The following LRRFIP2 variants were observed in gnomAD, a reference collection of about 807,000 sequenced individuals.
LRRFIP2 encodes LRR binding FLII interacting protein 2, also known as leucine-rich repeat flightless-interacting protein 2.
A neutral mutation model predicts 125.9 loss-of-function variants in LRRFIP2; 109 were observed. The ratio of observed to expected loss-of-function variants is 0.87; its 90% CI spans 0.74 to 1.01. The LOEUF (loss-of-function observed/expected upper bound fraction) is 1.01. Among genes scored for constraint, LRRFIP2 ranks in the 50% least tolerant of loss-of-function variants. LRRFIP2 has a pLI of 0.00. For missense variants in LRRFIP2, 850 were observed against 862.3 expected, an observed-to-expected ratio of 0.99 and a Z score of 0.18; for synonymous variants, 291 against 293.1, an observed-to-expected ratio of 0.99 and a Z score of 0.07.
At chr3:37,121,975 T>G (rs2095069412) in intron 4 of LRRFIP2, among the ~76,000 whole-genome samples, 1 of 151,906 alleles carries the variant, frequency 6.6e-6, no homozygotes. Context: ...ACGTGCAGGT[T>G]TGTAACATAT....
intron 15 of LRRFIP2, among the ~76,000 whole-genome samples, chr3:37,099,893 G>A (rs1482534772): frequency 6.6e-6 from 1 of 152,098 alleles, no homozygotes; most frequent in African/African-American, 2.4e-5. Flanking sequence ...ACACAACGAG[G>A]TAACCAGAAA....
chr3:37,081,087 T>A (rs183698839), intron 19 of LRRFIP2, among the ~76,000 whole-genome samples: 5 of 152,074 alleles, frequency 3.3e-5, no homozygotes, highest in African/African-American at 1.2e-4. Context: ...AGGCCCCATC[T>A]CCACAAAAAG....
rs1553836472 is a variant in LRRFIP2, at chr3:37,165,359, A to AC, written c.-56+9179dup. ...ATGAAATGGTTTCATCCCGAAACCA[A>AC]CCCCCCCACCCACCCCACCCCCGTC... On this transcript the variant is annotated intron_variant, in intron 1 of 27. Transcript: ENST00000336686. Among the ~76,000 whole-genome samples the AC allele has an allele frequency of 7.0e-5, 9 of 129,176 alleles. No individual in the cohort carries two copies. In the South Asian group the frequency reaches 9.1e-4, roughly 13 times the overall value. The allele number at this position is 129,176 out of a possible 152,430, so 84.7% of individuals were successfully genotyped here.
chr3:37,108,707 C>T, intron 11 of LRRFIP2, 23 bp from the exon 12 acceptor site: 1 of 1,589,636 alleles, frequency 6.3e-7, no homozygotes, highest in Non-Finnish European at 8.6e-7. Flanking sequence ...GGAAATATCA[C>T]TTAGCTATTT....
intron 25 of LRRFIP2, 71 bp downstream of exon 25, chr3:37,058,719 C>A: frequency 6.6e-7 from 1 of 1,508,536 alleles, no homozygotes; most frequent in Non-Finnish European, 9.0e-7. Flanking sequence ...ATACCAGCAA[C>A]CTGCTGACAA....
At chr3:37,175,265 G>A (rs912998784), upstream of LRRFIP2, 1 of 151,984 alleles carries the variant, frequency 6.6e-6, no homozygotes, top group African/African-American at 2.4e-5. Flanking sequence ...ATCATTTTTA[G>A]TCAATCAATC....
chr3:37,148,807 T>C (rs2095928350), intron 2 of LRRFIP2, 87 bp downstream of exon 2: 1 of 1,419,458 alleles, frequency 7.0e-7, no homozygotes, highest in Admixed American at 2.0e-5. Context: ...ACTAGTTCAA[T>C]GAGTAAACGT....
intron 15 of LRRFIP2, among the ~76,000 whole-genome samples, chr3:37,101,280 T>G (rs2094026074): frequency 6.6e-6 from 1 of 150,882 alleles, no homozygotes; most frequent in Non-Finnish European, 1.5e-5. Flanking sequence ...TCACTTGAAC[T>G]CGGAGGGTGG....
At chr3:37,131,744 G>A (rs532925155) in intron 2 of LRRFIP2, among the ~76,000 whole-genome samples, 21 of 152,306 alleles carry the variant, frequency 1.4e-4, no homozygotes, top group Non-Finnish European at 2.8e-4. Context: ...ACAGAGTAAA[G>A]TATGACATCT....
At chr3:37,165,671 G>A (rs989134824) in intron 1 of LRRFIP2, among the ~76,000 whole-genome samples, 1 of 151,596 alleles carries the variant, frequency 6.6e-6, no homozygotes, top group Non-Finnish European at 1.5e-5. Context: ...AGAATTGCTC[G>A]AACCCAGGAG....
At chr3:37,104,422 A>G (rs1277013156) in intron 14 of LRRFIP2, among the ~76,000 whole-genome samples, 1 of 152,228 alleles carries the variant, frequency 6.6e-6, no homozygotes, top group Non-Finnish European at 1.5e-5. Context: ...TGTGAGCGTG[A>G]GCATTAGTTG....
At chr3:37,054,362 T>G in intron 27 of LRRFIP2, 49 bp downstream of exon 27, 1 of 1,433,314 alleles carries the variant, frequency 7.0e-7, no homozygotes, top group African/African-American at 1.4e-5. Context: ...TCCAGAAGAT[T>G]TTTTCTTTTT....
chr3:37,068,825 A>C (rs1196946229), intron 21 of LRRFIP2: 1 of 152,186 alleles, frequency 6.6e-6, no homozygotes, highest in East Asian at 1.9e-4. Flanking sequence ...AATGGAAGTG[A>C]GTTTATGCTG....
chr3:37,159,828 G>T (rs112013956), intron 1 of LRRFIP2, among the ~76,000 whole-genome samples: 3,113 of 104,326 alleles, frequency 0.03, 97 homozygotes, highest in African/African-American at 0.099. Flanking sequence ...ATTTCTGGAA[G>T]AAAAAAAAAA....
rs201513908 is a variant in LRRFIP2 at position 37,169,955 on chromosome 3, T to C, written c.-56+4584A>G. On this transcript the variant is annotated intron_variant, in intron 1 of 27. Transcript: ENST00000336686. ...CTGCTTTTTATTTCTTTTCTTTTTC[T>C]TTTTTTTCCCGAGGAGGAAAGGAAG... is the stretch of plus-strand genomic sequence containing the variant. Among the ~76,000 whole-genome samples the C allele has an allele frequency of 3.6e-4, 55 of 152,154 alleles. 1 individual carries two copies. In the East Asian group the frequency reaches 0.01, roughly 28 times the overall value.
At position 37,105,527 on chromosome 3, in the gene LRRFIP2, T is replaced by C. The variant is rs745810149; in HGVS notation, c.715-4A>G. On this transcript the variant is annotated splice_region_variant and splice_polypyrimidine_tract_variant and intron_variant, in intron 13 of 27. Coordinates refer to ENST00000336686, the MANE Select transcript of LRRFIP2 (RefSeq NM_006309.4). ...TTGCAGTGTCATCGTTGGTAAACTA[T>C]AGATATTAAATGCAGATAATGAAAA... The C allele has an allele frequency of 1.9e-6, 3 of 1,611,362 alleles. No homozygotes were observed. Among genetic ancestry groups the C allele is most frequent in the African/African-American group, 2.7e-5 (2 of 74,878 alleles).
intron 27 of LRRFIP2, 115 bp downstream of exon 27, chr3:37,054,296 G>A: frequency 1.3e-6 from 1 of 794,936 alleles, no homozygotes; most frequent in Non-Finnish European, 2.0e-6. Context: ...AATTAGTTAA[G>A]TGACTCCACT....
intron 2 of LRRFIP2, among the ~76,000 whole-genome samples, chr3:37,133,769 C>T (rs139058498): frequency 6.6e-6 from 1 of 152,124 alleles, no homozygotes; most frequent in Admixed American, 6.5e-5. Flanking sequence ...AAACTATATA[C>T]TTAAATATAG....
intron 1 of LRRFIP2, among the ~76,000 whole-genome samples, chr3:37,162,429 C>A (rs2096373396): frequency 6.6e-6 from 1 of 151,996 alleles, no homozygotes; most frequent in African/African-American, 2.4e-5. Flanking sequence ...ATTCTGGAAA[C>A]AAGAAGATGA....
Sources: allele counts gnomAD v4.1 joint callset (sites outside exome capture counted in the v4.1 genomes callset), GRCh38; gene constraint gnomAD v4.1.1; transcripts MANE v1.5; gene names NCBI Gene and HGNC (gene_info 2026-07-23, HGNC 2026-07-21).